Variants in CDYL observed in about 807,000 individuals in gnomAD.
CDYL encodes chromodomain Y-like protein.
In CDYL, 8 loss-of-function variants were observed where a neutral mutation model predicts 47.3. The observed-to-expected ratio is 0.17, with a 90% CI of 0.10 to 0.31. The LOEUF is 0.31. CDYL is among the 10% of genes least tolerant of loss of function. The pLI is 1.00. For missense variants in CDYL, 471 were observed against 701.4 expected, an observed-to-expected ratio of 0.67 and a Z score of 3.71; for synonymous variants, 266 against 265.0, an observed-to-expected ratio of 1.00 and a Z score of -0.04.
chr6:4,921,326 G>A (rs1159630758), intron 2 of CDYL, among the ~76,000 whole-genome samples: 2 of 152,138 alleles, frequency 1.3e-5, no homozygotes, highest in Non-Finnish European at 2.9e-5. Context: ...GCCCAGCACC[G>A]GCCTTCTCCC....
intron 1 of CDYL, among the ~76,000 whole-genome samples, chr6:4,857,909 A>G (rs1471268428): frequency 6.6e-6 from 1 of 152,128 alleles, no homozygotes; most frequent in Non-Finnish European, 1.5e-5. Context: ...TTAAGAAGAA[A>G]AACCACCTCT....
intron 2 of CDYL, among the ~76,000 whole-genome samples, chr6:4,720,213 GGGA>G (rs1757342855): frequency 6.6e-6 from 1 of 152,180 alleles, no homozygotes; most frequent in South Asian, 2.1e-4. Flanking sequence ...AAATTTTGGA[GGGA>G]GGAGGAGTGC....
chr6:4,740,375 A>G (rs1262096013), intron 3 of CDYL, among the ~76,000 whole-genome samples: 1 of 152,136 alleles, frequency 6.6e-6, no homozygotes, highest in Non-Finnish European at 1.5e-5. Flanking sequence ...TTTAGTCGTC[A>G]CAGCTGGGGC....
At chr6:4,951,206 A>C (rs982244917) in intron 5 of CDYL, among the ~76,000 whole-genome samples, 4 of 152,100 alleles carry the variant, frequency 2.6e-5, no homozygotes, top group African/African-American at 9.7e-5. Flanking sequence ...CCACCTACCG[A>C]AATTGTGTTT....
chr6:4,761,850 CTAAA>C (rs1217507102), intron 3 of CDYL, among the ~76,000 whole-genome samples: 1 of 152,130 alleles, frequency 6.6e-6, no homozygotes, highest in East Asian at 1.9e-4. Flanking sequence ...TAATGGCAGA[CTAAA>C]TAAGTGTGAT....
At position 4,860,525 on chromosome 6, in the gene CDYL, ATGTATAT is replaced by A. The variant is rs887162169; in HGVS notation, c.25-31180_25-31174del. 1.3e-4 allele frequency among the ~76,000 whole-genome samples: 19 copies of A among 147,638 alleles called. No homozygotes were observed. In the East Asian group the frequency reaches 2.9e-3, roughly 23 times the overall value. On this transcript the variant is annotated intron_variant, in intron 1 of 6. Transcript: ENST00000397588. ...TATATATATAAAAAATATATATATA[ATGTATAT>A]TGTATATCATGTATATATTACATAT...
intron 1 of CDYL, among the ~76,000 whole-genome samples, chr6:4,891,187 C>T (rs936779039): frequency 7.2e-5 from 11 of 152,198 alleles, no homozygotes; most frequent in African/African-American, 2.7e-4. Context: ...GTATGATGTT[C>T]TCTGTTGACC....
Position 4,859,111 on chromosome 6 carries a change from G to T in CDYL, c.25-32602G>T, listed in dbSNP as rs375416888. On this transcript the variant is annotated intron_variant, in intron 1 of 6. Transcript: ENST00000397588. ...CTTTAAAAGCCTTTTTCATGGGAAG[G>T]TTTTATTGTTGGTTTGGTGGCTGGC... is the stretch of plus-strand genomic sequence containing the variant. Among the ~76,000 whole-genome samples, 11 of 152,252 alleles carry T rather than the reference G, an allele frequency of 7.2e-5. No individual in the cohort carries two copies. In the East Asian group the frequency reaches 1.4e-3, roughly 19 times the overall value.
At chr6:4,827,146 TTAATA>T (rs1760003422) in intron 1 of CDYL, among the ~76,000 whole-genome samples, 1 of 152,222 alleles carries the variant, frequency 6.6e-6, no homozygotes, top group Non-Finnish European at 1.5e-5. Flanking sequence ...CTATTTACAT[TTAATA>T]TATTTTTTAC....
intron 1 of CDYL, among the ~76,000 whole-genome samples, chr6:4,852,764 AT>A (rs995382058): frequency 8.6e-5 from 13 of 151,360 alleles, no homozygotes; most frequent in African/African-American, 2.9e-4. Flanking sequence ...GAGTTGTACA[AT>A]TTTTAGCCAG....
At chr6:4,709,106 C>T (rs1184499374) in intron 1 of CDYL, among the ~76,000 whole-genome samples, 3 of 152,018 alleles carry the variant, frequency 2.0e-5, no homozygotes, top group African/African-American at 7.3e-5. Context: ...GGCACTAATC[C>T]ACCTTCTCCA....
At chr6:4,839,931 G>C (rs910338289) in intron 1 of CDYL, among the ~76,000 whole-genome samples, 1 of 151,958 alleles carries the variant, frequency 6.6e-6, no homozygotes, top group Admixed American at 6.6e-5. Context: ...TGAATTTTAG[G>C]ATTTTTTTTC....
At chr6:4,717,883 A>T (rs567880609) in intron 2 of CDYL, among the ~76,000 whole-genome samples, 1 of 148,000 alleles carries the variant, frequency 6.8e-6, no homozygotes, top group Non-Finnish European at 1.5e-5. Context: ...GTCTCACTCT[A>T]TCACATAGGC....
At chr6:4,786,017 A>T (rs1417054149) in intron 1 of CDYL, among the ~76,000 whole-genome samples, 4 of 152,230 alleles carry the variant, frequency 2.6e-5, no homozygotes, top group Non-Finnish European at 5.9e-5. Flanking sequence ...AAGAGTTTTT[A>T]AAAAGTGTTG....
At chr6:4,713,888 T>G (rs901442243) in intron 1 of CDYL, among the ~76,000 whole-genome samples, 14 of 152,204 alleles carry the variant, frequency 9.2e-5, no homozygotes, top group Non-Finnish European at 1.9e-4. Flanking sequence ...ACACCTGGCC[T>G]AGATTCATTT....
intron 3 of CDYL, among the ~76,000 whole-genome samples, 157 bp from the exon 4 acceptor site, chr6:4,937,408 A>T: frequency 6.6e-6 from 1 of 152,158 alleles, no homozygotes; most frequent in Non-Finnish European, 1.5e-5. Flanking sequence ...AGGCGGGAGG[A>T]TTGTTTGAGC....
At chr6:4,894,179 A>G (rs1453352585) in intron 2 of CDYL, among the ~76,000 whole-genome samples, 1 of 152,248 alleles carries the variant, frequency 6.6e-6, no homozygotes, top group Non-Finnish European at 1.5e-5. Context: ...AGTCGAGTCC[A>G]GAGAGAAGAT....
intron 1 of CDYL, among the ~76,000 whole-genome samples, chr6:4,792,346 C>G (rs1403160757): frequency 6.6e-6 from 1 of 151,740 alleles, no homozygotes; most frequent in Non-Finnish European, 1.5e-5. Flanking sequence ...ATGGCTTTGT[C>G]CTTTTTAAAA....
At chr6:4,899,201 C>A (rs377103770) in intron 2 of CDYL, among the ~76,000 whole-genome samples, 1 of 152,272 alleles carries the variant, frequency 6.6e-6, no homozygotes, top group East Asian at 1.9e-4. Context: ...TTAAATATAA[C>A]AAGTTCAGCT....
Sources: gnomAD v4.1 joint callset for allele counts (sites outside exome capture counted in the v4.1 genomes callset) on GRCh38, gnomAD v4.1.1 for gene constraint, MANE v1.5 for transcripts, NCBI Gene and HGNC (gene_info 2026-07-23, HGNC 2026-07-21) for gene names.